NT5M: variants seen among roughly 807,000 people sequenced by gnomAD.
The protein encoded by NT5M is 5'(3')-deoxyribonucleotidase, mitochondrial.
A neutral mutation model predicts 22.2 loss-of-function variants in NT5M; 22 were observed. The observed-to-expected ratio is 0.99, with a 90% CI of 0.71 to 1.41. The LOEUF is 1.41. Among genes scored for constraint, NT5M ranks in the 40% most tolerant of loss-of-function variants. The probability of loss-of-function intolerance (pLI) is 0.00; values close to 1 mark genes in which losing one functional copy is unlikely to be tolerated. For missense variants in NT5M, 322 were observed against 314.8 expected, an observed-to-expected ratio of 1.02 and a Z score of -0.17; for synonymous variants, 167 against 133.0, an observed-to-expected ratio of 1.26 and a Z score of -1.76.
At chr17:17,315,390 A>G (rs2049002090) in intron 2 of NT5M, among the ~76,000 whole-genome samples, 1 of 152,198 alleles carries the variant, frequency 6.6e-6, no homozygotes, top group Non-Finnish European at 1.5e-5. Flanking sequence ...GACAACATAT[A>G]AACTAAAATG....
At chr17:17,342,028 C>CA (rs1023787286) in intron 3 of NT5M, among the ~76,000 whole-genome samples, 9 of 144,026 alleles carry the variant, frequency 6.2e-5, no homozygotes, top group Non-Finnish European at 1.1e-4. Context: ...GACTCTGTCT[C>CA]AAAAAAAAGA....
At chr17:17,346,673 T>C (rs1331172269) in intron 4 of NT5M, 132 bp from the exon 5 acceptor site, 3 of 1,049,724 alleles carry the variant, frequency 2.9e-6, no homozygotes, top group African/African-American at 1.6e-5. Flanking sequence ...CGGGTGTGCG[T>C]GCAGTCACCC....
intron 3 of NT5M, among the ~76,000 whole-genome samples, chr17:17,344,248 T>G (rs2049709704): frequency 6.6e-6 from 1 of 152,204 alleles, no homozygotes; most frequent in South Asian, 2.1e-4. Flanking sequence ...GAAGAAAGCC[T>G]TCCTTGGGCA....
At chr17:17,340,963 A>C in intron 3 of NT5M, among the ~76,000 whole-genome samples, 1 of 151,876 alleles carries the variant, frequency 6.6e-6, no homozygotes, top group African/African-American at 2.4e-5. Context: ...TATAGCTATA[A>C]ACTTCCCTCT....
At chr17:17,326,355 C>T (rs931184357) in intron 3 of NT5M, among the ~76,000 whole-genome samples, 2 of 152,216 alleles carry the variant, frequency 1.3e-5, no homozygotes, top group African/African-American at 4.8e-5. Flanking sequence ...CCAGTGTGTT[C>T]CCCTGGAGGT....
intron 2 of NT5M, among the ~76,000 whole-genome samples, chr17:17,321,814 G>A (rs1435099119): frequency 1.3e-5 from 2 of 151,894 alleles, no homozygotes; most frequent in Admixed American, 6.6e-5. Context: ...AAGGCAGGCC[G>A]CTAAGCTGGG....
rs2049778385 is a variant in NT5M, at chr17:17,347,157, A to G, written c.*210A>G. On this transcript the variant is annotated 3_prime_UTR_variant, in exon 5 of 5. Coordinates refer to ENST00000389022, the MANE Select transcript of NT5M (RefSeq NM_020201.4). The stretch of plus-strand genomic sequence containing the variant: ...GCCCTCTGGGCGCTTGGACATAGAC[A>G]CGTGGTCCCAGGCCGTTCAGCCTGA... 1.6e-6 allele frequency: 1 copy of G among 639,696 alleles called. No individual in the cohort carries two copies. 39.6% of individuals were successfully genotyped at this position (639,696 alleles called of 1,614,324 possible).
intron 3 of NT5M, among the ~76,000 whole-genome samples, chr17:17,338,724 G>T (rs1401058278): frequency 4.6e-5 from 4 of 86,276 alleles, no homozygotes; most frequent in Admixed American, 1.1e-4. Flanking sequence ...AATGTCATTG[G>T]TATTTTTTTT....
At chr17:17,307,675 G>A (rs1319507143) in intron 2 of NT5M, among the ~76,000 whole-genome samples, 1 of 151,848 alleles carries the variant, frequency 6.6e-6, no homozygotes, top group Admixed American at 6.6e-5. Context: ...GCGTAGCATG[G>A]TGAAACCCCG....
In NT5M at chr17:17,329,352, A is replaced by G. The variant is rs372904924; in HGVS notation, c.429+6107A>G. Among the ~76,000 whole-genome samples, 34 of 152,300 alleles carry G rather than the reference A, an allele frequency of 2.2e-4. No homozygotes were observed. The South Asian group carries it at 7.1e-3, about 32-fold the overall frequency. ...GCACAGACAGTTGAAGCTGAGGGTTAGCGGCCAGAAAGTGGGGAGTCAGAC... is the reference window on the plus strand; with the variant it reads ...GCACAGACAGTTGAAGCTGAGGGTTGGCGGCCAGAAAGTGGGGAGTCAGAC... On this transcript the variant is annotated intron_variant, in intron 3 of 4. Transcript: ENST00000389022.
intron 4 of NT5M, chr17:17,345,182 A>C: frequency 8.6e-7 from 1 of 1,168,762 alleles, no homozygotes; most frequent in Middle Eastern, 3.3e-4. Context: ...TGTCTTCCTC[A>C]TGTAACATGG....
intron 3 of NT5M, among the ~76,000 whole-genome samples, chr17:17,340,954 A>T (rs2049630571): frequency 6.6e-6 from 1 of 151,956 alleles, no homozygotes; most frequent in Non-Finnish European, 1.5e-5. Flanking sequence ...TGTGGCACTT[A>T]TAGCTATAAA....
chr17:17,330,824 G>T (rs1194668159), intron 3 of NT5M, among the ~76,000 whole-genome samples: 1 of 143,968 alleles, frequency 6.9e-6, no homozygotes, highest in Non-Finnish European at 1.5e-5. Context: ...CTCACTGAAA[G>T]CTCAGCCTCC....
In NT5M at chr17:17,306,658, C is replaced by G; in HGVS notation, c.368+15C>G. 6.3e-7 allele frequency: 1 copy of G among 1,575,212 alleles called. No individual in the cohort carries two copies. Among genetic ancestry groups the G allele is most frequent in the Non-Finnish European group, 8.7e-7 (1 of 1,144,618 alleles). ...AGCCTACAAAAGTAAGTTTGTCCTCCCAGCCACTCAGTAAGTTTGTCTGAG... is the reference window on the plus strand; with the variant it reads ...AGCCTACAAAAGTAAGTTTGTCCTCGCAGCCACTCAGTAAGTTTGTCTGAG... On this transcript the variant is annotated intron_variant, in intron 2 of 4. Coordinates refer to ENST00000389022, the MANE Select transcript of NT5M (RefSeq NM_020201.4).
intron 2 of NT5M, among the ~76,000 whole-genome samples, chr17:17,322,966 C>T (rs936192882): frequency 3.9e-5 from 6 of 152,238 alleles, no homozygotes; most frequent in African/African-American, 1.4e-4. Context: ...CAGCCCAGAG[C>T]TGGCTGCCTG....
chr17:17,320,124 G>C (rs140825221), intron 2 of NT5M, among the ~76,000 whole-genome samples: 1 of 152,248 alleles, frequency 6.6e-6, no homozygotes, highest in Non-Finnish European at 1.5e-5. Context: ...TTACAGGCGT[G>C]AGCCACCACG....
At chr17:17,318,480 C>CAAAAAAA (rs71355545) in intron 2 of NT5M, among the ~76,000 whole-genome samples, 1 of 42,110 alleles carries the variant, frequency 2.4e-5, no homozygotes, top group Non-Finnish European at 4.7e-5. Context: ...GACTCTGTCT[C>CAAAAAAA]AAAAAAAAAA....
At chr17:17,334,588 G>A (rs908812607) in intron 3 of NT5M, among the ~76,000 whole-genome samples, 2 of 149,218 alleles carry the variant, frequency 1.3e-5, no homozygotes, top group Non-Finnish European at 3.0e-5. Flanking sequence ...TGATTCTCGT[G>A]CCTCAGCCTC....
intron 2 of NT5M, among the ~76,000 whole-genome samples, chr17:17,306,979 C>T (rs1278337843): frequency 2.6e-5 from 4 of 152,086 alleles, no homozygotes; most frequent in Admixed American, 6.6e-5. Context: ...GGGCGGATCA[C>T]GTGAGGTCGG....
Sources: allele counts gnomAD v4.1 joint callset (sites outside exome capture counted in the v4.1 genomes callset), GRCh38; gene constraint gnomAD v4.1.1; transcripts MANE v1.5; gene names NCBI Gene and HGNC (gene_info 2026-07-23, HGNC 2026-07-21).